Variants in ANK3 observed in about 807,000 individuals in gnomAD.
ANK3 encodes ankyrin 3.
Under a neutral mutation model 370.9 loss-of-function variants are expected in ANK3, and 57 were observed. The observed-to-expected ratio is 0.15, with a 90% CI of 0.12 to 0.19. The LOEUF is 0.19. ANK3 is among the 10% of genes least tolerant of loss of function. ANK3 has a pLI of 1.00. For synonymous variants in ANK3, 1,929 were observed against 1,946.3 expected (o/e 0.99, Z 0.23); for missense variants, 4,439 against 5,302.1 (o/e 0.84, Z 5.06).
chr10:60,078,875 T>C (rs1048187262), intron 36 of ANK3, among the ~76,000 whole-genome samples: 2 of 152,192 alleles, frequency 1.3e-5, no homozygotes, highest in Non-Finnish European at 2.9e-5. Context: ...GCTCCTCTTC[T>C]ACCAAAAGTC....
intron 2 of ANK3, among the ~76,000 whole-genome samples, chr10:60,453,760 A>T (rs1386757020): frequency 6.6e-6 from 1 of 152,082 alleles, no homozygotes; most frequent in East Asian, 1.9e-4. Context: ...ACACACACAC[A>T]CAGAGTGTGT....
intron 9 of ANK3, among the ~76,000 whole-genome samples, chr10:60,208,889 G>A (rs2096804333): frequency 6.6e-6 from 1 of 152,136 alleles, no homozygotes; most frequent in African/African-American, 2.4e-5. Context: ...TCTATGATGA[G>A]GAAAGGCAAG....
chr10:60,375,148 T>C (rs1018604698), intron 1 of ANK3, among the ~76,000 whole-genome samples: 1 of 152,150 alleles, frequency 6.6e-6, no homozygotes, highest in African/African-American at 2.4e-5. Flanking sequence ...GGACATCTAT[T>C]TAGATGTGAG....
chr10:60,274,771 CT>C (rs1017685463), intron 4 of ANK3, among the ~76,000 whole-genome samples: 5 of 152,170 alleles, frequency 3.3e-5, no homozygotes, highest in African/African-American at 1.2e-4. Flanking sequence ...TAAATTCCCT[CT>C]TGTGCTTAAG....
At chr10:60,479,105 T>C (rs958794793) in intron 2 of ANK3, among the ~76,000 whole-genome samples, 1 of 152,156 alleles carries the variant, frequency 6.6e-6, no homozygotes, top group African/African-American at 2.4e-5. Context: ...AGCTGAACTT[T>C]GGTTGTCCTA....
At chr10:60,348,369 A>T in intron 1 of ANK3, among the ~76,000 whole-genome samples, 1 of 128,046 alleles carries the variant, frequency 7.8e-6, no homozygotes, top group African/African-American at 2.8e-5. Context: ...AAAAAAAAAA[A>T]ACACAAAAAA....
chr10:60,696,747 G>A (rs974001958), intron 1 of ANK3, among the ~76,000 whole-genome samples: 21 of 147,628 alleles, frequency 1.4e-4, no homozygotes, highest in South Asian at 2.2e-4. Flanking sequence ...TTGATGGGAC[G>A]TATTTCAAAA....
chr10:60,214,112 A>T (rs749454189), intron 8 of ANK3, among the ~76,000 whole-genome samples: 1 of 152,156 alleles, frequency 6.6e-6, no homozygotes, highest in Non-Finnish European at 1.5e-5. Flanking sequence ...ATATATAAAA[A>T]GTTTTGTGAC....
chr10:60,293,068 C>A (rs1253187956), intron 1 of ANK3, among the ~76,000 whole-genome samples: 3 of 152,166 alleles, frequency 2.0e-5, no homozygotes, highest in African/African-American at 7.2e-5. Flanking sequence ...CTTCATCTAG[C>A]TCATCTGTCT....
rs2079889140 is a variant in ANK3 at position 60,059,394 on chromosome 10, G to A, written c.12632C>T (p.Ser4211Phe). 4 of 1,614,054 alleles carry A rather than the reference G, an allele frequency of 2.5e-6. No homozygotes were observed. Among genetic ancestry groups the A allele is most frequent in the Non-Finnish European group, 3.4e-6 (4 of 1,180,004 alleles). The change falls in exon 41 of 44, where the codon TCC becomes TTC. Residue 4211 changes from serine to phenylalanine, a missense_variant. Physicochemically the swap from Ser to Phe is radical, Grantham distance 155. This residue lies in a region of ANK3 where 242 missense variants were observed against 228.0 expected (regional missense o/e 1.06). Transcript: ENST00000280772. ...QNETSSGNLE[S>F]CAQARRVTGG... Reference sequence around the variant, plus strand: ...AGTTACTCTTCGAGCTTGAGCGCAGGACTCTAGGTTTCCACTTGATGTCTC... The same window carrying A: ...AGTTACTCTTCGAGCTTGAGCGCAGAACTCTAGGTTTCCACTTGATGTCTC...
chr10:60,154,857 G>A (rs927227321), intron 23 of ANK3, among the ~76,000 whole-genome samples: 1 of 129,980 alleles, frequency 7.7e-6, no homozygotes, highest in Non-Finnish European at 1.6e-5. Context: ...ACACTGATAC[G>A]TTTACTAAAA....
chr10:60,053,617 C>T (rs908087457), intron 42 of ANK3: 1 of 1,239,330 alleles, frequency 8.1e-7, no homozygotes, highest in African/African-American at 1.6e-5. Context: ...ATGGAATTTT[C>T]TCAGTACTCT....
intron 1 of ANK3, among the ~76,000 whole-genome samples, chr10:60,653,369 A>G (rs955757435): frequency 1.4e-4 from 21 of 150,770 alleles, no homozygotes; most frequent in Admixed American, 1.3e-4. Context: ...TTTTTTTCCC[A>G]TACAGATTTC....
intron 1 of ANK3, among the ~76,000 whole-genome samples, chr10:60,618,738 T>A (rs572662839): frequency 1.3e-5 from 2 of 152,090 alleles, no homozygotes; most frequent in African/African-American, 4.8e-5. Context: ...ATGCCAAGTA[T>A]AAATAAGATT....
At chr10:60,444,830 C>A (rs932587503) in intron 2 of ANK3, among the ~76,000 whole-genome samples, 3 of 152,054 alleles carry the variant, frequency 2.0e-5, no homozygotes, top group Admixed American at 1.3e-4. Context: ...GAAGGGCCTT[C>A]TAATTTTCTA....
intron 1 of ANK3, among the ~76,000 whole-genome samples, chr10:60,369,092 C>T (rs1173169993): frequency 6.7e-6 from 1 of 149,560 alleles, no homozygotes; most frequent in Non-Finnish European, 1.5e-5. Flanking sequence ...AATTATACTT[C>T]GGTTTAAAAA....
intron 2 of ANK3, among the ~76,000 whole-genome samples, chr10:60,418,663 T>A (rs1355033862): frequency 2.0e-5 from 3 of 151,978 alleles, no homozygotes; most frequent in Non-Finnish European, 4.4e-5. Flanking sequence ...ATAAACAATA[T>A]TTTTTAAAGT....
chr10:60,144,595 T>C (rs1163831904), intron 23 of ANK3, among the ~76,000 whole-genome samples: 2 of 152,208 alleles, frequency 1.3e-5, no homozygotes, highest in African/African-American at 4.8e-5. Context: ...AATCTCCTCT[T>C]CCTAGTCCTC....
In ANK3 at chr10:60,127,700, CTT is replaced by C. The variant is rs10715735; in HGVS notation, c.2841+6569_2841+6570del. ...ATGCCATAATTTTTAGTTTTTCATACTTTTTTTTTTTTTTTGGAGACAGAGTC... is the reference window on the plus strand; with the variant it reads ...ATGCCATAATTTTTAGTTTTTCATACTTTTTTTTTTTTTGGAGACAGAGTC... On this transcript the variant is annotated intron_variant, in intron 25 of 43. Transcript: ENST00000280772. Among the ~76,000 whole-genome samples, 983 of 132,558 alleles carry C rather than the reference CTT, an allele frequency of 7.4e-3. 12 individuals are homozygous for C. The highest frequency in any genetic ancestry group is 0.026 in the African/African-American group (922 of 34,820). The allele number at this position is 132,558 out of a possible 152,430, so 87.0% of individuals were successfully genotyped here.
Sources: gnomAD v4.1 joint callset for allele counts (sites outside exome capture counted in the v4.1 genomes callset) on GRCh38, gnomAD v4.1.1 for gene constraint, gnomAD v4.1.1 regional missense constraint, MANE v1.5 for transcripts, NCBI Gene and HGNC (gene_info 2026-07-23, HGNC 2026-07-21) for gene names.